Variants in SGCZ observed in about 807,000 individuals in gnomAD.
SGCZ encodes the protein sarcoglycan zeta.
Under a neutral mutation model 41.3 loss-of-function variants are expected in SGCZ, and 40 were observed. That is an observed-to-expected ratio of 0.97 (90% CI 0.75 to 1.26). The LOEUF (loss-of-function observed/expected upper bound fraction) is 1.26. Among genes scored for constraint, SGCZ ranks in the 50% most tolerant of loss-of-function variants. The probability of loss-of-function intolerance (pLI) is 0.00; values close to 1 mark genes in which losing one functional copy is unlikely to be tolerated. For missense variants in SGCZ, 552 were observed against 369.8 expected (o/e 1.49, Z -4.04); for synonymous variants, 206 against 137.5 (o/e 1.50, Z -3.49).
chr8:15,132,156 T>C (rs1484065000), intron 1 of SGCZ, among the ~76,000 whole-genome samples: 1 of 152,192 alleles, frequency 6.6e-6, no homozygotes, highest in African/African-American at 2.4e-5. Context: ...TTTCATACAG[T>C]TTCTTTCCAC....
chr8:14,371,235 A>T (rs1803898576), intron 2 of SGCZ, among the ~76,000 whole-genome samples: 1 of 152,014 alleles, frequency 6.6e-6, no homozygotes, highest in African/African-American at 2.4e-5. Flanking sequence ...ATTTGCCATA[A>T]CATTCTTATG....
intron 1 of SGCZ, among the ~76,000 whole-genome samples, chr8:15,234,865 C>T (rs547887301): frequency 6.6e-5 from 10 of 152,286 alleles, no homozygotes; most frequent in South Asian, 2.1e-4. Flanking sequence ...TAAGCAGCTT[C>T]ACCTAACAAT....
intron 1 of SGCZ, among the ~76,000 whole-genome samples, chr8:15,040,826 G>C (rs1585502446): frequency 6.6e-6 from 1 of 152,020 alleles, no homozygotes; most frequent in African/African-American, 2.4e-5. Context: ...TTTGTTTTCT[G>C]TTTCCATACC....
intron 6 of SGCZ, among the ~76,000 whole-genome samples, chr8:14,107,496 T>C (rs1802242700): frequency 6.6e-6 from 1 of 152,138 alleles, no homozygotes; most frequent in East Asian, 1.9e-4. Flanking sequence ...CTGATTTGCT[T>C]CCATATTACC....
At chr8:14,545,330 A>G (rs957435130) in intron 2 of SGCZ, among the ~76,000 whole-genome samples, 1 of 152,060 alleles carries the variant, frequency 6.6e-6, no homozygotes, top group African/African-American at 2.4e-5. Flanking sequence ...CAATAAGATA[A>G]TTTTTATTAA....
intron 1 of SGCZ, among the ~76,000 whole-genome samples, chr8:14,662,510 A>G (rs1475094906): frequency 6.6e-6 from 1 of 152,184 alleles, no homozygotes; most frequent in Admixed American, 6.6e-5. Context: ...AATGTAAAGA[A>G]TATGAGCTTA....
chr8:14,994,651 C>T (rs1054926016), intron 1 of SGCZ, among the ~76,000 whole-genome samples: 4 of 151,572 alleles, frequency 2.6e-5, no homozygotes, highest in Non-Finnish European at 4.4e-5. Flanking sequence ...AGATTAGGGG[C>T]GTGTGTGTAT....
At position 14,334,758 on chromosome 8, in the gene SGCZ, A is replaced by G. The variant is rs142331623; in HGVS notation, c.235-10554T>C. Among the ~76,000 whole-genome samples, 393 of 152,266 alleles carry G rather than the reference A, an allele frequency of 2.6e-3. 4 individuals are homozygous for G. Among genetic ancestry groups the G allele is most frequent in the Admixed American group, 0.023 (345 of 15,280 alleles). On this transcript the variant is annotated intron_variant, in intron 2 of 7. Coordinates refer to ENST00000382080, the MANE Select transcript of SGCZ (RefSeq NM_139167.4). Reference sequence around the variant, plus strand: ...GAAAACGAAGCCATCTGAACAAACTATGGTTATTTGTACACCCATAGACTG... The same window carrying G: ...GAAAACGAAGCCATCTGAACAAACTGTGGTTATTTGTACACCCATAGACTG...
At chr8:14,655,054 A>G (rs1807521217) in intron 1 of SGCZ, among the ~76,000 whole-genome samples, 1 of 151,924 alleles carries the variant, frequency 6.6e-6, no homozygotes, top group Non-Finnish European at 1.5e-5. Flanking sequence ...TTTTCCCCAG[A>G]GCAATTTTGG....
intron 1 of SGCZ, among the ~76,000 whole-genome samples, chr8:14,960,204 T>A (rs572622199): frequency 6.6e-6 from 1 of 152,220 alleles, no homozygotes; most frequent in South Asian, 2.1e-4. Context: ...AATGCAATAT[T>A]TTTTTTTCTG....
At chr8:14,718,037 C>T (rs1463352466) in intron 1 of SGCZ, among the ~76,000 whole-genome samples, 1 of 138,296 alleles carries the variant, frequency 7.2e-6, no homozygotes, top group African/African-American at 3.0e-5. Context: ...CATTTAAAAA[C>T]TGACTCAAAT....
At chr8:14,729,273 G>T (rs1395423912) in intron 1 of SGCZ, among the ~76,000 whole-genome samples, 1 of 151,984 alleles carries the variant, frequency 6.6e-6, no homozygotes, top group Non-Finnish European at 1.5e-5. Context: ...CCAAAGCCTT[G>T]GCTGATCCAC....
At chr8:14,205,273 C>T (rs9325691) in intron 4 of SGCZ, among the ~76,000 whole-genome samples, 1 of 152,054 alleles carries the variant, frequency 6.6e-6, no homozygotes, top group Admixed American at 6.6e-5. Context: ...TAGACTCCCC[C>T]TCAACATGCT....
chr8:14,711,418 C>G (rs1809510269), intron 1 of SGCZ, among the ~76,000 whole-genome samples: 1 of 141,230 alleles, frequency 7.1e-6, no homozygotes, highest in Admixed American at 7.2e-5. Context: ...GGTAAAATCT[C>G]CTCTCTACTA....
intron 2 of SGCZ, among the ~76,000 whole-genome samples, chr8:14,375,303 T>C (rs1585421980): frequency 6.6e-6 from 1 of 152,076 alleles, no homozygotes; most frequent in Non-Finnish European, 1.5e-5. Flanking sequence ...CAAAGAGAAA[T>C]AGGTAGAAAC....
intron 2 of SGCZ, among the ~76,000 whole-genome samples, chr8:14,467,502 G>A (rs1347250070): frequency 6.6e-6 from 1 of 151,984 alleles, no homozygotes; most frequent in African/African-American, 2.4e-5. Context: ...ACTGCTTCAG[G>A]AACATACAGG....
At chr8:14,483,620 T>C (rs1250912521) in intron 2 of SGCZ, among the ~76,000 whole-genome samples, 1 of 152,152 alleles carries the variant, frequency 6.6e-6, no homozygotes, top group Admixed American at 6.5e-5. Flanking sequence ...AATTTATTCA[T>C]TTTTGGCCAT....
intron 1 of SGCZ, among the ~76,000 whole-genome samples, chr8:14,773,178 G>A (rs1001466571): frequency 2.6e-5 from 4 of 152,136 alleles, no homozygotes; most frequent in Non-Finnish European, 5.9e-5. Context: ...CTGATGGCCA[G>A]GGATGATGAG....
intron 1 of SGCZ, among the ~76,000 whole-genome samples, chr8:14,863,044 T>C (rs1342605652): frequency 6.6e-6 from 1 of 152,124 alleles, no homozygotes; most frequent in Non-Finnish European, 1.5e-5. Context: ...CTGGGATGAT[T>C]GAGAAGCTAC....
Sources: allele counts gnomAD v4.1 joint callset (sites outside exome capture counted in the v4.1 genomes callset), GRCh38; gene constraint gnomAD v4.1.1; transcripts MANE v1.5; gene names NCBI Gene and HGNC (gene_info 2026-07-23, HGNC 2026-07-21).